EBF4: variants seen among roughly 807,000 people sequenced by gnomAD.
EBF4 encodes transcription factor COE4.
In EBF4, 34 loss-of-function variants were observed where a neutral mutation model predicts 67.1. The observed-to-expected ratio is 0.51, with a 90% confidence interval of 0.39 to 0.67. The LOEUF (loss-of-function observed/expected upper bound fraction) is 0.67, where lower values mean the gene tolerates loss of function less well. EBF4 is among the 30% of genes least tolerant of loss of function. EBF4 has a pLI of 0.00. For missense variants in EBF4, 837 were observed against 873.3 expected (o/e 0.96, Z 0.52); for synonymous variants, 387 against 377.7 (o/e 1.02, Z -0.29).
intron 6 of EBF4, among the ~76,000 whole-genome samples, chr20:2,721,894 T>A (rs532921055): frequency 4.5e-4 from 68 of 152,360 alleles, no homozygotes; most frequent in African/African-American, 1.6e-3. Context: ...GATCTTTTTT[T>A]AAGCATCTTG....
exon 14 of EBF4, chr20:2,752,381 C>A: frequency 8.1e-7 from 1 of 1,241,496 alleles, no homozygotes; most frequent in South Asian, 3.1e-5. Context: ...TGCAGCAGCG[C>A]GTCCCCCCGC....
intron 2 of EBF4, 34 bp from the exon 3 acceptor site, chr20:2,705,940 A>T (rs1277725226): frequency 6.5e-7 from 1 of 1,545,084 alleles, no homozygotes; most frequent in Admixed American, 2.0e-5. Flanking sequence ...AGGATCCCTG[A>T]GCACCCGAGC....
At chr20:2,738,830 T>C (rs1404945940) in intron 6 of EBF4, among the ~76,000 whole-genome samples, 1 of 152,218 alleles carries the variant, frequency 6.6e-6, no homozygotes, top group African/African-American at 2.4e-5. Context: ...TAATTGTGCA[T>C]GCAAATGCAT....
chr20:2,740,290 G>A (rs947890121), intron 6 of EBF4, among the ~76,000 whole-genome samples: 1 of 152,074 alleles, frequency 6.6e-6, no homozygotes, highest in African/African-American at 2.4e-5. Flanking sequence ...TCCAGCCTGG[G>A]CAACAGAGCG....
chr20:2,693,561 C>G, upstream of EBF4: 1 of 1,286,170 alleles, frequency 7.8e-7, no homozygotes, highest in South Asian at 2.3e-5. This position sits in a 1 kb window ranked among gnomAD's most constrained non-coding sequence, Gnocchi z 4.6. Context: ...CGCCTGGTGC[C>G]GTCGGGTCGG....
intron 6 of EBF4, among the ~76,000 whole-genome samples, chr20:2,714,367 T>C (rs1417911152): frequency 6.6e-6 from 1 of 152,106 alleles, no homozygotes; most frequent in South Asian, 2.1e-4. Context: ...TTCTTTCTTC[T>C]TTTTTGACAG....
intron 6 of EBF4, among the ~76,000 whole-genome samples, chr20:2,720,940 A>G (rs978214892): frequency 6.6e-6 from 1 of 152,144 alleles, no homozygotes; most frequent in Non-Finnish European, 1.5e-5. Flanking sequence ...AAGAAATCTG[A>G]TGTTTATCCT....
Position 2,739,450 on chromosome 20 carries a change from C to G in EBF4, c.558-9099C>G, listed in dbSNP as rs770337937. On this transcript the variant is annotated intron_variant, in intron 6 of 16. Coordinates refer to ENST00000609451, the Ensembl canonical transcript of EBF4. This position sits in a 1 kb window ranked among gnomAD's most constrained non-coding sequence, Gnocchi z 4.5. ...CGCCTCCCCTAGGCAAAATAAGTGG[C>G]CACTGCAGATTACACTTGGCACATC... 2.6e-5 allele frequency among the ~76,000 whole-genome samples: 4 copies of G among 152,168 alleles called. No homozygotes were observed. In the South Asian group the frequency reaches 8.3e-4, roughly 32 times the overall value.
chr20:2,693,888 C>A lies in EBF4; in HGVS notation c.137+106C>A. 8.1e-7 allele frequency: 1 copy of A among 1,233,734 alleles called. No individual in the cohort carries two copies. Among genetic ancestry groups the A allele is most frequent in the Non-Finnish European group, 1.0e-6 (1 of 983,732 alleles). 76.4% of individuals were successfully genotyped at this position (1,233,734 alleles called of 1,614,324 possible). A position where few individuals can be genotyped will look rare whatever the true frequency, so the allele number is the denominator to read the frequency against. On this transcript the variant is annotated intron_variant, in intron 1 of 16. Transcript: ENST00000609451. The surrounding 1 kb of genome is among the most constrained non-coding windows in gnomAD (Gnocchi z 4.6). ...GCCAGGGGCGGAAGGAGCCCTAACT[C>A]TGGACGGTCCCGGCGAGCTCCCCGG...
At chr20:2,741,919 G>A (rs975307079) in intron 6 of EBF4, among the ~76,000 whole-genome samples, 25 of 152,086 alleles carry the variant, frequency 1.6e-4, no homozygotes, top group African/African-American at 5.6e-4. Context: ...AGATCTTCTC[G>A]ACTGATAGCA....
chr20:2,752,463 C>T (rs955738250), exon 14 of EBF4: 66 of 1,269,604 alleles, frequency 5.2e-5, no homozygotes, highest in Non-Finnish European at 6.2e-5. Context: ...TGGGCGGCTA[C>T]GGCGCGCCGG....
chr20:2,739,031 C>T lies in EBF4; in HGVS notation c.558-9518C>T, dbSNP rs2087930012. Among the ~76,000 whole-genome samples the T allele has an allele frequency of 6.6e-6, 1 of 152,136 alleles. No homozygotes were observed. The highest frequency in any genetic ancestry group is 2.4e-5 in the African/African-American group (1 of 41,412). The stretch of plus-strand genomic sequence containing the variant: ...GTCCAGGCCTGGCAGGTGGCTGTGG[C>T]CCTGGGGACAGTCTATCTTGGCTTC... On this transcript the variant is annotated intron_variant, in intron 6 of 16. Coordinates refer to ENST00000609451, the Ensembl canonical transcript of EBF4. This position sits in a 1 kb window ranked among gnomAD's most constrained non-coding sequence, Gnocchi z 4.5.
At chr20:2,733,609 T>C (rs2087842488) in intron 6 of EBF4, among the ~76,000 whole-genome samples, 1 of 152,164 alleles carries the variant, frequency 6.6e-6, no homozygotes, top group African/African-American at 2.4e-5. Flanking sequence ...TTTTCTTCAT[T>C]CTTTTTTCTT....
intron 1 of EBF4, among the ~76,000 whole-genome samples, chr20:2,701,371 C>T (rs1039118520): frequency 3.3e-5 from 5 of 152,218 alleles, no homozygotes; most frequent in African/African-American, 1.2e-4. Flanking sequence ...TGTCTTCCCC[C>T]CTCCCAGGTC....
rs1420755729 is a variant in EBF4, at chr20:2,756,175, G to A, written c.1738+351G>A. Among the ~76,000 whole-genome samples the A allele has an allele frequency of 2.0e-5, 3 of 152,346 alleles. No homozygotes were observed. Among genetic ancestry groups the A allele is most frequent in the Admixed American group, 6.5e-5 (1 of 15,304 alleles). On this transcript the variant is annotated intron_variant, in intron 15 of 16. Coordinates refer to ENST00000609451, the Ensembl canonical transcript of EBF4. This position sits in a 1 kb window ranked among gnomAD's most constrained non-coding sequence, Gnocchi z 4.5. Reference sequence around the variant, plus strand: ...GACCCTCAGAGCTGGTGGGCTGCACGCCTGTACCTGTGCCTCCCTGTGTCC... The same window carrying A: ...GACCCTCAGAGCTGGTGGGCTGCACACCTGTACCTGTGCCTCCCTGTGTCC...
At chr20:2,704,865 T>C (rs1188159815) in intron 1 of EBF4, among the ~76,000 whole-genome samples, 1 of 152,250 alleles carries the variant, frequency 6.6e-6, no homozygotes, top group Non-Finnish European at 1.5e-5. Flanking sequence ...GCCTTCCTCC[T>C]GCTCTCACTC....
intron 6 of EBF4, among the ~76,000 whole-genome samples, chr20:2,711,213 C>T (rs1272139599): frequency 1.3e-5 from 2 of 151,446 alleles, no homozygotes; most frequent in Non-Finnish European, 2.9e-5. Context: ...TGGCAGGAAG[C>T]AGAACTTTCA....
At position 2,736,547 on chromosome 20, in the gene EBF4, A is replaced by G. The variant is rs532564285; in HGVS notation, c.558-12002A>G. The stretch of plus-strand genomic sequence containing the variant: ...TCCATCTCCTTCCACGCTTTCCAGC[A>G]GGATCTCCCACACTCATGCTGCAAG... On this transcript the variant is annotated intron_variant, in intron 6 of 16. Coordinates refer to ENST00000609451, the Ensembl canonical transcript of EBF4. 2.9e-4 allele frequency among the ~76,000 whole-genome samples: 44 copies of G among 152,334 alleles called. No homozygotes were observed. In the South Asian group the frequency reaches 7.0e-3, roughly 24 times the overall value.
At chr20:2,703,859 T>C (rs1394778137) in intron 1 of EBF4, among the ~76,000 whole-genome samples, 2 of 152,134 alleles carry the variant, frequency 1.3e-5, no homozygotes, top group Non-Finnish European at 2.9e-5. Flanking sequence ...TGCAGCAAGA[T>C]GAGAGCTGGG....
Sources: allele counts gnomAD v4.1 joint callset (sites outside exome capture counted in the v4.1 genomes callset), GRCh38; gene constraint gnomAD v4.1.1; non-coding constraint Gnocchi (gnomAD v3.1); transcripts MANE v1.5; gene names NCBI Gene and HGNC (gene_info 2026-07-23, HGNC 2026-07-21).